The following TMC7 variants were observed in gnomAD, a reference collection of about 807,000 sequenced individuals.
TMC7 encodes transmembrane channel like 7.
In TMC7, 54 loss-of-function variants were observed where a neutral mutation model predicts 82.9. The observed-to-expected ratio is 0.65, with a 90% CI of 0.52 to 0.82. The LOEUF (loss-of-function observed/expected upper bound fraction) is 0.82. Ranked by LOEUF, TMC7 falls within the 40% of genes least tolerant of loss-of-function variation. TMC7 has a pLI of 0.00. For missense variants in TMC7, 820 were observed against 901.2 expected (o/e 0.91, Z 1.15); for synonymous variants, 350 against 337.9 (o/e 1.04, Z -0.39).
At chr16:19,058,792 A>G (rs1323830756) in intron 14 of TMC7, among the ~76,000 whole-genome samples, 1 of 152,030 alleles carries the variant, frequency 6.6e-6, no homozygotes, top group African/African-American at 2.4e-5. Flanking sequence ...TGCAGCCTTG[A>G]ACTTCTGGGC....
At chr16:19,037,739 C>G (rs903677780) in intron 7 of TMC7, 135 bp from the exon 8 acceptor site, 26 of 930,902 alleles carry the variant, frequency 2.8e-5, no homozygotes, top group Non-Finnish European at 3.8e-5. Context: ...TGCCACGGTG[C>G]TAGGGTTACA....
At chr16:19,042,692 T>A (rs1487293968) in intron 9 of TMC7, among the ~76,000 whole-genome samples, 1 of 150,790 alleles carries the variant, frequency 6.6e-6, no homozygotes, top group Non-Finnish European at 1.5e-5. Flanking sequence ...TATTTTTTAG[T>A]AGAGATGGGC....
At chr16:19,041,138 C>T (rs983219280) in intron 9 of TMC7, among the ~76,000 whole-genome samples, 130 of 151,774 alleles carry the variant, frequency 8.6e-4, no homozygotes, top group Non-Finnish European at 7.4e-5. Flanking sequence ...CTTCAGTGAC[C>T]CTCCCACCTC....
chr16:18,993,512 A>G (rs1018328594), intron 1 of TMC7, among the ~76,000 whole-genome samples: 3 of 152,292 alleles, frequency 2.0e-5, no homozygotes, highest in Admixed American at 1.3e-4. Flanking sequence ...ACCAATGAGA[A>G]GGAGAAAAAC....
In TMC7 at chr16:19,063,395, G is replaced by T. The variant is rs1042556859; in HGVS notation, c.*1552G>T. On this transcript the variant is annotated 3_prime_UTR_variant, in exon 16 of 16. Transcript: ENST00000304381. ...TGGCAAGACCCCGTCTCTACTAAAA[G>T]TACAAAAATTAGCCAGGCATGGTGG... 6.6e-6 allele frequency: 1 copy of T among 152,058 alleles called. No homozygotes were observed. Among genetic ancestry groups the T allele is most frequent in the African/African-American group, 2.4e-5 (1 of 41,398 alleles). 9.4% of individuals were successfully genotyped at this position (152,058 alleles called of 1,614,324 possible). A position where few individuals can be genotyped will look rare whatever the true frequency, so the allele number is the denominator to read the frequency against.
rs373212687 is a variant in TMC7, at chr16:19,047,124, G to A, written c.1615G>A (p.Ala539Thr). Reference protein sequence around the residue: ...LIQCWGQQEFAIPDNVLGIVY... With the variant: ...LIQCWGQQEFTIPDNVLGIVY... ...TCAGTGCTGGGGGCAGCAGGAGTTTGCCATTCCTGATAACGTCCTGGGGAT... is the reference window on the plus strand; with the variant it reads ...TCAGTGCTGGGGGCAGCAGGAGTTTACCATTCCTGATAACGTCCTGGGGAT... The change falls in exon 12 of 16, where the codon GCC becomes ACC. Residue 539 changes from alanine to threonine, a missense_variant. Around this residue, in one of 2 missense-constraint regions of TMC7, gnomAD observed 170 missense variants for 231.3 expected, o/e 0.74. Transcript: ENST00000304381. 3.7e-6 allele frequency: 6 copies of A among 1,613,922 alleles called. No homozygotes were observed. The South Asian group carries it at 4.4e-5, about 12-fold the overall frequency.
chr16:19,056,857 G>A (rs1020803759), intron 14 of TMC7, among the ~76,000 whole-genome samples, 160 bp downstream of exon 14: 1 of 152,120 alleles, frequency 6.6e-6, no homozygotes, highest in African/African-American at 2.4e-5. Context: ...AGGCGCGGTG[G>A]CTCATGCCTG....
intron 12 of TMC7, among the ~76,000 whole-genome samples, chr16:19,048,300 A>G (rs915736860): frequency 3.1e-4 from 47 of 152,056 alleles, no homozygotes; most frequent in African/African-American, 9.9e-4. Context: ...TCGGGTTTCA[A>G]TGATTTGTGT....
At chr16:19,013,445 G>A (rs1379107382) in intron 2 of TMC7, among the ~76,000 whole-genome samples, 2 of 151,852 alleles carry the variant, frequency 1.3e-5, no homozygotes, top group African/African-American at 2.4e-5. Flanking sequence ...TCAAACTCCC[G>A]ACCTCAGGTG....
chr16:19,016,674 C>T (rs756409398), intron 3 of TMC7, 76 bp downstream of exon 3: 6 of 1,475,012 alleles, frequency 4.1e-6, no homozygotes, highest in Admixed American at 2.1e-5. Flanking sequence ...TTCGTTTCCA[C>T]TAGGGTCTAG....
At chr16:18,986,191 C>G (rs992273986) in intron 1 of TMC7, among the ~76,000 whole-genome samples, 1 of 151,920 alleles carries the variant, frequency 6.6e-6, no homozygotes, top group Non-Finnish European at 1.5e-5. Context: ...GTCAGGAAAT[C>G]GAGACCATCC....
Position 19,024,930 on chromosome 16 carries a change from C to T in TMC7, c.711+1735C>T, listed in dbSNP as rs1297413227. On this transcript the variant is annotated intron_variant, in intron 5 of 15. Coordinates refer to ENST00000304381, the MANE Select transcript of TMC7 (RefSeq NM_024847.4). Reference sequence around the variant, plus strand: ...CTGAGGCAGGAGAATGATGTGAACCCGGGAGGCGGAGCTTGCAGTGAGCCG... The same window carrying T: ...CTGAGGCAGGAGAATGATGTGAACCTGGGAGGCGGAGCTTGCAGTGAGCCG... 4.6e-5 allele frequency among the ~76,000 whole-genome samples: 7 copies of T among 152,056 alleles called. No individual in the cohort carries two copies. The Middle Eastern group carries it at 0.01, about 222-fold the overall frequency.
rs1384883416 is a variant in TMC7, at chr16:19,021,768, C to T, written c.600C>T (p.Ser200=). 2 of 1,614,068 alleles carry T rather than the reference C, an allele frequency of 1.2e-6. No homozygotes were observed. The highest frequency in any genetic ancestry group is 1.7e-6 in the Non-Finnish European group (2 of 1,180,052). ...LLTKYKITNS[S]FVLIPFKDMD... ...CGAAATACAAGATCACCAACAGCAGCTTCGTGCTCATTCCTTTCAAAGACA... is the reference window on the plus strand; with the variant it reads ...CGAAATACAAGATCACCAACAGCAGTTTCGTGCTCATTCCTTTCAAAGACA... Residue 200 remains serine (S), a synonymous_variant, in exon 4 of 16, where the codon AGC becomes AGT. Transcript: ENST00000304381.
Position 19,051,732 on chromosome 16 carries a change from C to A in TMC7, c.1787C>A (p.Ala596Glu), listed in dbSNP as rs1961549957. 9.9e-6 allele frequency: 16 copies of A among 1,613,964 alleles called. 1 individual carries two copies. In the East Asian group the frequency reaches 3.6e-4, roughly 36 times the overall value. ...AGACCCTCCCCCAGGCCGTTCAGAG[C>A]ATCCAATTCTAATTTCTTCTTCCTG... ...TCRPSPRPFR[A>E]SNSNFFFLLV... The change falls in exon 13 of 16, where the codon GCA (alanine) becomes GAA (glutamate). Residue 596 changes from alanine (A) to glutamate (E), a missense_variant. Around this residue, in one of 2 missense-constraint regions of TMC7, gnomAD observed 170 missense variants for 231.3 expected, o/e 0.74. Transcript: ENST00000304381.
Position 19,023,121 on chromosome 16 carries a change from T to A in TMC7, c.637T>A (p.Cys213Ser), listed in dbSNP as rs767915875. 1 of 1,604,072 alleles carries A rather than the reference T, an allele frequency of 6.2e-7. No individual in the cohort carries two copies. The highest frequency in any genetic ancestry group is 1.7e-5 in the Admixed American group (1 of 59,304). The part of the protein sequence containing the change: ...LIPFKDMDKQ[C>S]TVYPVSSSGL... Reference sequence around the variant, plus strand: ...GTTTTTGTTTCTTACAGATAAACAATGTACAGTCTATCCAGTAAGCAGTTC... The same window carrying A: ...GTTTTTGTTTCTTACAGATAAACAAAGTACAGTCTATCCAGTAAGCAGTTC... The change falls in exon 5 of 16, where the codon TGT becomes AGT. Residue 213 changes from cysteine to serine, a missense_variant. Coordinates refer to ENST00000304381, the MANE Select transcript of TMC7 (RefSeq NM_024847.4).
At chr16:18,989,488 T>A (rs1226019138) in intron 1 of TMC7, among the ~76,000 whole-genome samples, 1 of 149,584 alleles carries the variant, frequency 6.7e-6, no homozygotes, top group Non-Finnish European at 1.5e-5. Context: ...TTTGTAACAA[T>A]CTGGTTTCCT....
chr16:19,006,716 G>A (rs972493971), intron 1 of TMC7, among the ~76,000 whole-genome samples: 2 of 152,240 alleles, frequency 1.3e-5, no homozygotes, highest in Admixed American at 6.5e-5. Flanking sequence ...GGGGGAGCCC[G>A]CTTGCACTGC....
intron 2 of TMC7, among the ~76,000 whole-genome samples, chr16:19,012,917 A>G (rs1959454185): frequency 6.6e-6 from 1 of 150,872 alleles, no homozygotes; most frequent in Non-Finnish European, 1.5e-5. Context: ...CCCAGGTTCA[A>G]GCAATTCTCC....
intron 13 of TMC7, among the ~76,000 whole-genome samples, chr16:19,055,661 C>T (rs964141894): frequency 2.0e-5 from 3 of 152,160 alleles, no homozygotes; most frequent in African/African-American, 7.2e-5. Flanking sequence ...AGTGATCTTT[C>T]AAGTTTGACC....
Sources: gnomAD v4.1 joint callset for allele counts (sites outside exome capture counted in the v4.1 genomes callset) on GRCh38, gnomAD v4.1.1 for gene constraint, gnomAD v4.1.1 regional missense constraint, MANE v1.5 for transcripts, NCBI Gene and HGNC (gene_info 2026-07-23, HGNC 2026-07-21) for gene names.